Variants in CEP55 observed in about 807,000 individuals in gnomAD.
The protein encoded by CEP55 is centrosomal protein 55.
A neutral mutation model predicts 63.2 loss-of-function variants in CEP55; 57 were observed. That is an observed-to-expected ratio of 0.90 (90% CI 0.73 to 1.13). The LOEUF is 1.13. Ranked by LOEUF, CEP55 falls within the 50% of genes most tolerant of loss-of-function variation. CEP55 has a pLI of 0.00. For synonymous variants in CEP55, 178 were observed against 191.6 expected, an observed-to-expected ratio of 0.93 and a Z score of 0.59; for missense variants, 456 against 518.9, an observed-to-expected ratio of 0.88 and a Z score of 1.18.
intron 1 of CEP55, among the ~76,000 whole-genome samples, chr10:93,497,651 A>G (rs2057586245): frequency 6.6e-6 from 1 of 152,090 alleles, no homozygotes; most frequent in South Asian, 2.1e-4. Flanking sequence ...CAGTCCTTGA[A>G]AAAATAGTTG....
chr10:93,507,870 C>T (rs10882251), intron 4 of CEP55, among the ~76,000 whole-genome samples: 30,919 of 152,214 alleles, frequency 0.2, 3,237 homozygotes, highest in East Asian at 0.28. Context: ...TGGTCTTGAA[C>T]TCCCGACCTC....
chr10:93,510,414 T>C (rs1167609527), intron 4 of CEP55: 4 of 152,232 alleles, frequency 2.6e-5, no homozygotes, highest in Admixed American at 2.0e-4. Context: ...ATAACGCCCA[T>C]ATCCCCTTTA....
rs544182699 is a variant in CEP55 at position 93,518,488 on chromosome 10, A to G, written c.994-389A>G. On this transcript the variant is annotated intron_variant, in intron 6 of 8. Transcript: ENST00000371485. Reference sequence around the variant, plus strand: ...TTTACCACTCACACTTCTTCTGTCTACAGGTATGAGCAGTGATACTAGGGA... The same window carrying G: ...TTTACCACTCACACTTCTTCTGTCTGCAGGTATGAGCAGTGATACTAGGGA... 2.0e-3 allele frequency among the ~76,000 whole-genome samples: 298 copies of G among 152,270 alleles called. 2 individuals are homozygous for G. The highest frequency in any genetic ancestry group is 6.6e-3 in the African/African-American group (276 of 41,544).
intron 8 of CEP55, among the ~76,000 whole-genome samples, chr10:93,525,338 TG>T (rs1207353720): frequency 1.3e-5 from 2 of 152,206 alleles, no homozygotes; most frequent in Non-Finnish European, 2.9e-5. Flanking sequence ...CATTCACAAT[TG>T]CTTCAAAGAG....
chr10:93,525,291 C>T (rs1049326496), intron 8 of CEP55, among the ~76,000 whole-genome samples: 9 of 151,978 alleles, frequency 5.9e-5, no homozygotes, highest in African/African-American at 1.9e-4. Flanking sequence ...TCTTATACAC[C>T]AATAACAGAC....
chr10:93,512,315 A>T (rs1008250023), intron 4 of CEP55, among the ~76,000 whole-genome samples: 1 of 151,532 alleles, frequency 6.6e-6, no homozygotes, highest in African/African-American at 2.4e-5. Context: ...ACCTGAGGTC[A>T]GGAGTTGAGA....
In CEP55 at chr10:93,503,308, G is replaced by C. The variant is rs199894468; in HGVS notation, c.379G>C (p.Val127Leu). 1.2e-6 allele frequency: 2 copies of C among 1,614,122 alleles called. No individual in the cohort carries two copies. The highest frequency in any genetic ancestry group is 1.7e-6 in the Non-Finnish European group (2 of 1,179,990). The change falls in exon 3 of 9, where the codon GTA (valine) becomes CTA (leucine). Residue 127 changes from valine to leucine, a missense_variant. Transcript: ENST00000371485. ...GAAAGCCTTATCTGAAGAGAAAGAC[G>C]TATTGAAACAACAGTTGTCTGCTGC... The part of the protein sequence containing the change: ...VLKALSEEKD[V>L]LKQQLSAATS...
chr10:93,517,987 G>A (rs1356312320), intron 6 of CEP55, among the ~76,000 whole-genome samples: 1 of 152,184 alleles, frequency 6.6e-6, no homozygotes, highest in Non-Finnish European at 1.5e-5. Context: ...GCTTTGGTGA[G>A]CGTCAGTTGA....
chr10:93,497,495 A>T (rs555565719), intron 1 of CEP55, among the ~76,000 whole-genome samples: 1 of 151,846 alleles, frequency 6.6e-6, no homozygotes, highest in Admixed American at 6.6e-5. Flanking sequence ...CGAACTCCTG[A>T]CCTCAGATGA....
At chr10:93,502,961 A>G (rs546754715) in intron 2 of CEP55, 152 bp from the exon 3 acceptor site, 29 of 678,094 alleles carry the variant, frequency 4.3e-5, no homozygotes, top group Admixed American at 4.2e-4. Flanking sequence ...ATCTGAACAT[A>G]AAACTTTGGC....
intron 2 of CEP55, among the ~76,000 whole-genome samples, chr10:93,502,290 C>T (rs1252849031): frequency 6.6e-6 from 1 of 152,178 alleles, no homozygotes; most frequent in Non-Finnish European, 1.5e-5. Flanking sequence ...TTGTATGGCT[C>T]TGTTATCTGT....
chr10:93,507,926 C>G (rs1418683218), intron 4 of CEP55, among the ~76,000 whole-genome samples: 1 of 152,220 alleles, frequency 6.6e-6, no homozygotes, highest in Non-Finnish European at 1.5e-5. Context: ...GGATTACGGG[C>G]GTGTGCCACT....
At chr10:93,513,891 C>T (rs952552068) in intron 4 of CEP55, among the ~76,000 whole-genome samples, 4 of 151,980 alleles carry the variant, frequency 2.6e-5, no homozygotes, top group Non-Finnish European at 5.9e-5. Flanking sequence ...ATTTAGGGCT[C>T]ACCCTACTCC....
At position 93,509,468 on chromosome 10, in the gene CEP55, C is replaced by CATT. The variant is rs10606106; in HGVS notation, c.528+2443_528+2445dup. Among the ~76,000 whole-genome samples, 1,215 of 147,230 alleles carry CATT rather than the reference C, an allele frequency of 8.3e-3. 8 individuals are homozygous for CATT. The highest frequency in any genetic ancestry group is 0.014 in the African/African-American group (567 of 39,832). On this transcript the variant is annotated intron_variant, in intron 4 of 8. Transcript: ENST00000371485. ...TGGACCACGCTTTGAGAACCATTAA[C>CATT]ATTATTATTATTATTATTATTATTA...
intron 4 of CEP55, 30 bp from the exon 5 acceptor site, chr10:93,515,375 C>G (rs1209603595): frequency 6.4e-7 from 1 of 1,555,342 alleles, no homozygotes; most frequent in African/African-American, 1.4e-5. Flanking sequence ...TTTTATTTTA[C>G]TGTTGATTTT....
chr10:93,515,300 C>A, intron 4 of CEP55, 105 bp from the exon 5 acceptor site: 1 of 998,362 alleles, frequency 1.0e-6, no homozygotes, highest in Non-Finnish European at 1.5e-6. Context: ...GTCTATGAGC[C>A]ATAGAGTTTT....
intron 2 of CEP55, 24 bp downstream of exon 2, chr10:93,500,258 A>G (rs2057619351): frequency 1.9e-6 from 3 of 1,564,020 alleles, no homozygotes; most frequent in South Asian, 2.3e-5. Context: ...TGATCCTTTA[A>G]ATTGTAAGCT....
At chr10:93,509,764 G>T (rs1458672973) in intron 4 of CEP55, among the ~76,000 whole-genome samples, 1 of 152,174 alleles carries the variant, frequency 6.6e-6, no homozygotes, top group Non-Finnish European at 1.5e-5. Flanking sequence ...GGGATTACAG[G>T]TGTGAGTCAT....
chr10:93,505,748 A>G (rs942696422), intron 3 of CEP55, among the ~76,000 whole-genome samples: 56 of 152,332 alleles, frequency 3.7e-4, no homozygotes, highest in Admixed American at 2.2e-3. Flanking sequence ...CTGGCTACCT[A>G]GCCACCCACT....
Sources: gnomAD v4.1 joint callset for allele counts (sites outside exome capture counted in the v4.1 genomes callset) on GRCh38, gnomAD v4.1.1 for gene constraint, MANE v1.5 for transcripts, NCBI Gene and HGNC (gene_info 2026-07-23, HGNC 2026-07-21) for gene names.